DNAJC10: variants seen among roughly 807,000 people sequenced by gnomAD.
DNAJC10 encodes endoplasmic reticulum disulfide reductase DNAJC10.
A neutral mutation model predicts 115.0 loss-of-function variants in DNAJC10; 101 were observed. The ratio of observed to expected loss-of-function variants is 0.88; its 90% CI spans 0.75 to 1.04. The LOEUF (loss-of-function observed/expected upper bound fraction) is 1.04. Ranked by LOEUF, DNAJC10 falls within the 50% of genes least tolerant of loss-of-function variation. The pLI is 0.00. For missense variants in DNAJC10, 981 were observed against 928.8 expected (o/e 1.06, Z -0.73); for synonymous variants, 307 against 301.5 (o/e 1.02, Z -0.19).
At chr2:182,765,669 G>A (rs1387883257) in intron 22 of DNAJC10, among the ~76,000 whole-genome samples, 1 of 152,116 alleles carries the variant, frequency 6.6e-6, no homozygotes, top group Non-Finnish European at 1.5e-5. Context: ...TGTTGTGGTC[G>A]ATTCTCTAAC....
chr2:182,754,662 A>G, intron 16 of DNAJC10: 1 of 614,464 alleles, frequency 1.6e-6, no homozygotes, highest in Non-Finnish European at 2.1e-6. Flanking sequence ...CAAGCTAGAG[A>G]TATAGCCTGT....
chr2:182,765,234 A>G (rs1694379980), intron 22 of DNAJC10, among the ~76,000 whole-genome samples: 1 of 152,154 alleles, frequency 6.6e-6, no homozygotes, highest in Non-Finnish European at 1.5e-5. Context: ...TTATGGGGAA[A>G]AAAAGGGGGA....
rs1559030828 is a variant in DNAJC10, at chr2:182,777,319, G to A, written c.*187G>A. 2.6e-5 allele frequency: 10 copies of A among 378,438 alleles called. No individual in the cohort carries two copies. Among genetic ancestry groups the A allele is most frequent in the East Asian group, 1.5e-4 (4 of 25,816 alleles). 23.4% of individuals were successfully genotyped at this position (378,438 alleles called of 1,614,324 possible). On this transcript the variant is annotated 3_prime_UTR_variant, in exon 24 of 24. Transcript: ENST00000264065. ...CTGCAAACTTTTTCTGTAAAGGGCC[G>A]GTTTATAAATATTTTAGACTTTGCA...
chr2:182,786,186 AC>A lies in DNAJC10; in HGVS notation c.*9058del, dbSNP rs1274857976. 1 of 152,192 alleles carries A rather than the reference AC, an allele frequency of 6.6e-6. No homozygotes were observed. Among genetic ancestry groups the A allele is most frequent in the Non-Finnish European group, 1.5e-5 (1 of 68,036 alleles). 9.4% of individuals were successfully genotyped at this position (152,192 alleles called of 1,614,324 possible). ...AAGATAACATTGAAATTTATACAGAACCCCAAATGACAAGTGTATAATCAAC... is the reference window on the plus strand; with the variant it reads ...AAGATAACATTGAAATTTATACAGAACCCAAATGACAAGTGTATAATCAAC... On this transcript the variant is annotated 3_prime_UTR_variant, in exon 24 of 24. Transcript: ENST00000264065.
intron 4 of DNAJC10, 146 bp from the exon 5 acceptor site, chr2:182,721,878 TC>T (rs1693158158): frequency 2.1e-6 from 1 of 477,084 alleles, no homozygotes; most frequent in South Asian, 3.2e-5. Context: ...TACTTTTTTT[TC>T]ACTTAGGATG....
At chr2:182,752,599 T>C in intron 16 of DNAJC10, 6 of 932,224 alleles carry the variant, frequency 6.4e-6, no homozygotes, top group Non-Finnish European at 7.7e-6. Flanking sequence ...TTGAAATCTT[T>C]GTTTAAATGA....
chr2:182,724,116 GAATAA>G (rs1395575031), intron 5 of DNAJC10, among the ~76,000 whole-genome samples: 1 of 152,140 alleles, frequency 6.6e-6, no homozygotes, highest in Non-Finnish European at 1.5e-5. Context: ...AACTCTGAAA[GAATAA>G]AATAAGAGAC....
At chr2:182,771,739 A>G (rs1315822426) in intron 22 of DNAJC10, among the ~76,000 whole-genome samples, 2 of 152,100 alleles carry the variant, frequency 1.3e-5, no homozygotes, top group African/African-American at 2.4e-5. Context: ...TCTTGTTAGC[A>G]GCCTATCAAT....
At chr2:182,738,965 C>T (rs1349234630) in intron 11 of DNAJC10, among the ~76,000 whole-genome samples, 1 of 151,862 alleles carries the variant, frequency 6.6e-6, no homozygotes, top group Non-Finnish European at 1.5e-5. Flanking sequence ...CTAACAGAAA[C>T]AGGTTTATAA....
rs1032254365 is a variant in DNAJC10 at position 182,731,092 on chromosome 2, T to A, written c.790T>A (p.Cys264Ser). ...TGGTATTGGCTGGCTGATCACTTTT[T>A]GTTCAAAAGGAGGAGGTAATACTAT... ...AAGIGWLITF[C>S]SKGGDCLTSQ... The change falls in exon 9 of 24, where the codon TGT (cysteine) becomes AGT (serine). Residue 264 changes from cysteine (C) to serine (S), a missense_variant. By Grantham distance (112) the Cys-to-Ser change is moderately radical. Transcript: ENST00000264065. 1 of 1,612,594 alleles carries A rather than the reference T, an allele frequency of 6.2e-7. No individual in the cohort carries two copies. The highest frequency in any genetic ancestry group is 2.2e-5 in the East Asian group (1 of 44,784).
chr2:182,750,580 C>T (rs1693989766), intron 14 of DNAJC10, among the ~76,000 whole-genome samples: 1 of 152,100 alleles, frequency 6.6e-6, no homozygotes, highest in Non-Finnish European at 1.5e-5. Flanking sequence ...GAGATTTCAT[C>T]CTTGTACAAA....
intron 11 of DNAJC10, among the ~76,000 whole-genome samples, chr2:182,737,577 A>G (rs759304089): frequency 1.3e-5 from 2 of 152,170 alleles, no homozygotes; most frequent in Non-Finnish European, 2.9e-5. Context: ...CAGATGTATT[A>G]TACACATGCA....
At chr2:182,755,467 G>T (rs1318814531) in intron 17 of DNAJC10, among the ~76,000 whole-genome samples, 3 of 134,230 alleles carry the variant, frequency 2.2e-5, no homozygotes, top group Admixed American at 1.5e-4. Context: ...TAACACTCTT[G>T]ATAGAAATAC....
chr2:182,727,906 T>C (rs924665841), intron 5 of DNAJC10, among the ~76,000 whole-genome samples: 3 of 152,232 alleles, frequency 2.0e-5, no homozygotes, highest in African/African-American at 4.8e-5. Flanking sequence ...ATATAAAATG[T>C]ACTATTGGCT....
chr2:182,773,899 G>A (rs1694634968), intron 22 of DNAJC10, among the ~76,000 whole-genome samples: 2 of 152,346 alleles, frequency 1.3e-5, no homozygotes, highest in Admixed American at 6.5e-5. Flanking sequence ...ATCCTTTGGA[G>A]GAGAAGAGGC....
chr2:182,733,826 T>C (rs1279368676), intron 10 of DNAJC10, among the ~76,000 whole-genome samples: 2 of 150,656 alleles, frequency 1.3e-5, no homozygotes, highest in Non-Finnish European at 3.0e-5. Flanking sequence ...GATAGATAGA[T>C]AGATTTTCTA....
intron 10 of DNAJC10, among the ~76,000 whole-genome samples, chr2:182,734,913 T>C (rs935673499): frequency 1.5e-4 from 22 of 151,690 alleles, no homozygotes; most frequent in Non-Finnish European, 1.3e-4. Context: ...CATTTTTCCA[T>C]TTTTTACTGT....
chr2:182,739,450 T>C, intron 11 of DNAJC10: 4 of 889,836 alleles, frequency 4.5e-6, no homozygotes, highest in Non-Finnish European at 5.7e-6. Flanking sequence ...TAAACATAGA[T>C]GGTTCATAAT....
At chr2:182,741,222 G>A in intron 12 of DNAJC10, 21 bp from the exon 13 acceptor site, 1 of 1,507,406 alleles carries the variant, frequency 6.6e-7, no homozygotes, top group Admixed American at 1.8e-5. Context: ...CTGACATTTT[G>A]TTTTCTTTAT....
Sources: gnomAD v4.1 joint callset for allele counts (sites outside exome capture counted in the v4.1 genomes callset) on GRCh38, gnomAD v4.1.1 for gene constraint, MANE v1.5 for transcripts, NCBI Gene and HGNC (gene_info 2026-07-23, HGNC 2026-07-21) for gene names.